Variants in RIMS2 observed in about 807,000 individuals in gnomAD.
The protein encoded by RIMS2 is regulating synaptic membrane exocytosis protein 2.
Under a neutral mutation model 174.4 loss-of-function variants are expected in RIMS2, and 59 were observed. The observed-to-expected ratio is 0.34, with a 90% CI of 0.27 to 0.42. The LOEUF (loss-of-function observed/expected upper bound fraction) is 0.42, where lower values mean the gene tolerates loss of function less well. Among genes scored for constraint, RIMS2 ranks in the 10% least tolerant of loss-of-function variants. RIMS2 has a pLI of 1.00. For missense variants in RIMS2, 1,620 were observed against 1,666.3 expected, an observed-to-expected ratio of 0.97 and a Z score of 0.48; for synonymous variants, 606 against 572.5, an observed-to-expected ratio of 1.06 and a Z score of -0.84.
chr8:103,555,365 T>C (rs1027380440), intron 1 of RIMS2, among the ~76,000 whole-genome samples: 3 of 152,152 alleles, frequency 2.0e-5, no homozygotes, highest in African/African-American at 4.8e-5. Context: ...AGGTAAAATA[T>C]ATGTTTTGGA....
chr8:103,551,075 G>A (rs1327127103), intron 1 of RIMS2, among the ~76,000 whole-genome samples: 1 of 152,098 alleles, frequency 6.6e-6, no homozygotes, highest in Non-Finnish European at 1.5e-5. Flanking sequence ...AGAAGAAGAG[G>A]GACTCCTCCC....
At chr8:103,706,631 G>T (rs2137725628) in intron 2 of RIMS2, among the ~76,000 whole-genome samples, 1 of 152,208 alleles carries the variant, frequency 6.6e-6, no homozygotes, top group South Asian at 2.1e-4. Flanking sequence ...CCTCTTGGCT[G>T]CTACATCTGC....
intron 1 of RIMS2, among the ~76,000 whole-genome samples, chr8:103,568,243 A>T (rs944712141): frequency 6.6e-6 from 1 of 152,166 alleles, no homozygotes; most frequent in East Asian, 1.9e-4. Context: ...GGTGGCACTG[A>T]TCTGTGATCC....
At chr8:104,175,221 T>TC (rs2098874786) in intron 19 of RIMS2, among the ~76,000 whole-genome samples, 1 of 152,218 alleles carries the variant, frequency 6.6e-6, no homozygotes. Context: ...AGTTTTTTTT[T>TC]CAGAAATATC....
chr8:103,883,881 A>G (rs1166821003), intron 3 of RIMS2, among the ~76,000 whole-genome samples: 1 of 151,834 alleles, frequency 6.6e-6, no homozygotes, highest in Non-Finnish European at 1.5e-5. Context: ...GCAGATTTCC[A>G]TAGACTCCTG....
intron 19 of RIMS2, among the ~76,000 whole-genome samples, chr8:104,170,554 G>A (rs1176388172): frequency 2.6e-5 from 4 of 152,002 alleles, no homozygotes; most frequent in Non-Finnish European, 5.9e-5. Context: ...GAGTGCTTAT[G>A]TGTTAGGTGA....
intron 3 of RIMS2, among the ~76,000 whole-genome samples, chr8:103,831,322 T>C (rs1243915503): frequency 6.6e-6 from 1 of 152,136 alleles, no homozygotes; most frequent in Non-Finnish European, 1.5e-5. Flanking sequence ...AGAAAAGGGG[T>C]GAGAAGCCTC....
intron 19 of RIMS2, among the ~76,000 whole-genome samples, chr8:104,191,186 G>T (rs1035701205): frequency 1.3e-5 from 2 of 151,904 alleles, no homozygotes; most frequent in African/African-American, 2.4e-5. Context: ...TATTTTGAGG[G>T]TATTTATGGT....
In RIMS2 at chr8:103,920,902, G is replaced by A. The variant is rs1439713219; in HGVS notation, c.2084-770G>A. 4 of 329,854 alleles carry A rather than the reference G, an allele frequency of 1.2e-5. No individual in the cohort carries two copies. In the East Asian group the frequency reaches 3.9e-4, roughly 32 times the overall value. The allele number at this position is 329,854 out of a possible 1,614,324, so 20.4% of individuals were successfully genotyped here. ...TAGTCCCAGCTACTTGGGAGGCTGA[G>A]GCAGGAGAATGGCGTGAACCCGGGA... On this transcript the variant is annotated intron_variant, in intron 9 of 23. Coordinates refer to ENST00000504942, the Ensembl canonical transcript of RIMS2.
chr8:104,129,266 G>C (rs922656787), intron 19 of RIMS2, among the ~76,000 whole-genome samples: 4 of 151,966 alleles, frequency 2.6e-5, no homozygotes, highest in Non-Finnish European at 5.9e-5. Flanking sequence ...CAATCCTGTA[G>C]GTCTAGCTAC....
exon 8 of RIMS2, chr8:103,916,484 T>C: frequency 6.2e-7 from 1 of 1,611,802 alleles, no homozygotes; most frequent in South Asian, 1.1e-5. Flanking sequence ...ACAACATCAT[T>C]CTAGAATCCA....
intron 19 of RIMS2, among the ~76,000 whole-genome samples, chr8:104,106,376 T>C (rs1014803235): frequency 1.3e-5 from 2 of 152,204 alleles, no homozygotes; most frequent in African/African-American, 4.8e-5. Context: ...ACAGATTAAT[T>C]TTTACTGATT....
At chr8:103,549,318 A>G (rs900008551) in intron 1 of RIMS2, among the ~76,000 whole-genome samples, 1 of 152,344 alleles carries the variant, frequency 6.6e-6, no homozygotes, top group Admixed American at 6.5e-5. Flanking sequence ...CCAATATTCA[A>G]CAATCTTAAA....
At chr8:104,186,913 G>C (rs986849553) in intron 19 of RIMS2, among the ~76,000 whole-genome samples, 1 of 151,704 alleles carries the variant, frequency 6.6e-6, no homozygotes, top group Non-Finnish European at 1.5e-5. Flanking sequence ...ATTTCCTAAA[G>C]TGCAGGAAAA....
intron 19 of RIMS2, among the ~76,000 whole-genome samples, chr8:104,202,724 A>G (rs2099061178): frequency 6.6e-6 from 1 of 152,188 alleles, no homozygotes; most frequent in Non-Finnish European, 1.5e-5. Flanking sequence ...GCCCCATTTT[A>G]ATGCCTTGTT....
chr8:104,230,082 C>G (rs1356110517), intron 19 of RIMS2, among the ~76,000 whole-genome samples: 1 of 151,930 alleles, frequency 6.6e-6, no homozygotes, highest in Non-Finnish European at 1.5e-5. Context: ...GAGTTCAAGA[C>G]CAGCCTGACC....
At chr8:104,049,734 A>G (rs576249769) in intron 19 of RIMS2, among the ~76,000 whole-genome samples, 14 of 152,310 alleles carry the variant, frequency 9.2e-5, no homozygotes, top group African/African-American at 3.1e-4. Flanking sequence ...TTCCACTTCA[A>G]TAGCAAGCAA....
At chr8:103,961,451 G>A (rs114628083) in intron 15 of RIMS2, among the ~76,000 whole-genome samples, 2,153 of 151,996 alleles carry the variant, frequency 0.014, 67 homozygotes, top group African/African-American at 0.05. Flanking sequence ...GCACTAATAT[G>A]GTGGAAAAAA....
chr8:103,678,158 T>G (rs1189082362), intron 1 of RIMS2, among the ~76,000 whole-genome samples: 3 of 152,228 alleles, frequency 2.0e-5, no homozygotes, highest in African/African-American at 7.2e-5. Context: ...TGTTCATATC[T>G]ATCTTATTTT....
Sources: gnomAD v4.1 joint callset for allele counts (sites outside exome capture counted in the v4.1 genomes callset) on GRCh38, gnomAD v4.1.1 for gene constraint, MANE v1.5 for transcripts, NCBI Gene and HGNC (gene_info 2026-07-23, HGNC 2026-07-21) for gene names.